The following CHODL variants were observed in gnomAD, a reference collection of about 807,000 sequenced individuals.
CHODL encodes the protein chondrolectin.
In CHODL, 29 loss-of-function variants were observed where a neutral mutation model predicts 34.5. That is an observed-to-expected ratio of 0.84 (90% CI 0.63 to 1.15). The LOEUF is 1.15. Ranked by LOEUF, CHODL falls within the 50% of genes most tolerant of loss-of-function variation. The probability of loss-of-function intolerance (pLI) is 0.00; values close to 1 mark genes in which losing one functional copy is unlikely to be tolerated. For missense variants in CHODL, 332 were observed against 332.5 expected (o/e 1.00, Z 0.01); for synonymous variants, 125 against 116.1 (o/e 1.08, Z -0.49).
chr21:18,233,195 T>C (rs1226645432), intron 2 of CHODL, among the ~76,000 whole-genome samples: 2 of 151,942 alleles, frequency 1.3e-5, no homozygotes, highest in African/African-American at 4.8e-5. Context: ...TGCTTTAGAT[T>C]CCACATAGAA....
At chr21:18,164,251 GC>G (rs1284501622) in intron 2 of CHODL, among the ~76,000 whole-genome samples, 1 of 152,172 alleles carries the variant, frequency 6.6e-6, no homozygotes, top group African/African-American at 2.4e-5. Context: ...AATCCAGATG[GC>G]AAGTAAATTC....
intron 2 of CHODL, among the ~76,000 whole-genome samples, chr21:18,060,085 C>T (rs1031041087): frequency 1.3e-5 from 2 of 152,068 alleles, no homozygotes; most frequent in Non-Finnish European, 2.9e-5. Context: ...ATGTGGAAGT[C>T]CCCCCACTGA....
intron 1 of CHODL, among the ~76,000 whole-genome samples, chr21:18,021,778 GA>G (rs5842671): frequency 1 from 152,202 of 152,204 alleles, 76,100 homozygotes; most frequent in Non-Finnish European, 1. Context: ...TTCATGAGTG[GA>G]AAAAGGGTAG....
At chr21:18,078,556 C>T (rs560404641) in intron 2 of CHODL, among the ~76,000 whole-genome samples, 3 of 152,234 alleles carry the variant, frequency 2.0e-5, no homozygotes, top group East Asian at 1.9e-4. Flanking sequence ...GCAGATACAT[C>T]GACTTTTGAA....
At chr21:18,211,604 C>T (rs2073775495) in intron 2 of CHODL, among the ~76,000 whole-genome samples, 1 of 152,208 alleles carries the variant, frequency 6.6e-6, no homozygotes, top group Admixed American at 6.5e-5. Flanking sequence ...CACTGCTTTT[C>T]AGTTGCCAAC....
intron 1 of CHODL, among the ~76,000 whole-genome samples, chr21:17,932,717 A>G (rs947031115): frequency 1.3e-5 from 2 of 152,206 alleles, no homozygotes; most frequent in Admixed American, 6.5e-5. Flanking sequence ...AAAATCAAAT[A>G]CTGAAGGGGT....
upstream of CHODL, among the ~76,000 whole-genome samples, chr21:18,242,599 T>G (rs2074092788): frequency 6.6e-6 from 1 of 151,806 alleles, no homozygotes; most frequent in African/African-American, 2.4e-5. Flanking sequence ...AAGCTGTTCT[T>G]GTCAGCCAGT....
At chr21:17,986,252 G>A (rs1366427930) in intron 1 of CHODL, among the ~76,000 whole-genome samples, 1 of 152,006 alleles carries the variant, frequency 6.6e-6, no homozygotes, top group African/African-American at 2.4e-5. Flanking sequence ...TGCCATGGTG[G>A]TTTGCTGCAC....
At chr21:17,930,272 C>G (rs2063261607) in intron 1 of CHODL, among the ~76,000 whole-genome samples, 1 of 152,106 alleles carries the variant, frequency 6.6e-6, no homozygotes, top group Non-Finnish European at 1.5e-5. Context: ...TTGCTGTTGC[C>G]TAGCACCCTT....
chr21:18,134,957 A>ATGTGCT (rs1205851977), intron 2 of CHODL, among the ~76,000 whole-genome samples: 2 of 152,344 alleles, frequency 1.3e-5, no homozygotes, highest in African/African-American at 4.8e-5. Context: ...GTTAACAAAG[A>ATGTGCT]TGTGCTTTTT....
chr21:18,240,248 G>A (rs56121643), upstream of CHODL, among the ~76,000 whole-genome samples: 6,879 of 151,934 alleles, frequency 0.045, 494 homozygotes, highest in African/African-American at 0.16. Context: ...GAAAATTAGT[G>A]CATATATGCA....
At chr21:18,145,608 C>T (rs1306470410) in intron 2 of CHODL, among the ~76,000 whole-genome samples, 6 of 151,950 alleles carry the variant, frequency 3.9e-5, no homozygotes, top group Non-Finnish European at 7.4e-5. Context: ...CTGTTTCATT[C>T]GGGGTCAATG....
intron 2 of CHODL, among the ~76,000 whole-genome samples, chr21:18,118,345 T>G (rs2065438149): frequency 6.6e-6 from 1 of 152,036 alleles, no homozygotes; most frequent in Admixed American, 6.6e-5. Context: ...TCAAAGACAG[T>G]AGGTAATGAG....
intron 2 of CHODL, among the ~76,000 whole-genome samples, chr21:18,092,737 AC>A (rs2065088883): frequency 6.6e-6 from 1 of 152,224 alleles, no homozygotes; most frequent in South Asian, 2.1e-4. Flanking sequence ...AAGAGAGTGA[AC>A]TTGAAGACAG....
intron 1 of CHODL, chr21:18,022,457 A>G (rs2064136737): frequency 6.6e-6 from 1 of 152,234 alleles, no homozygotes; most frequent in East Asian, 1.9e-4. Context: ...AAATGGGACA[A>G]GTTTTCAAAT....
At chr21:17,973,417 C>CT (rs3077803) in intron 1 of CHODL, among the ~76,000 whole-genome samples, 30,925 of 123,352 alleles carry the variant, frequency 0.25, 4,547 homozygotes, top group Non-Finnish European at 0.32. Context: ...TTCTTTCTTT[C>CT]TTTTTTTTTT....
upstream of CHODL, among the ~76,000 whole-genome samples, chr21:18,241,795 C>T (rs537431054): frequency 1.3e-4 from 20 of 152,226 alleles, no homozygotes; most frequent in South Asian, 3.9e-3. Flanking sequence ...CTTTTGAAAA[C>T]GTTGGATTCC....
chr21:18,148,520 GCA>G (rs938142404), intron 2 of CHODL, among the ~76,000 whole-genome samples: 2 of 151,886 alleles, frequency 1.3e-5, no homozygotes, highest in Non-Finnish European at 2.9e-5. Context: ...ATGTACTTAT[GCA>G]CACACACACA....
At chr21:18,159,548 T>C (rs1476245522) in intron 2 of CHODL, among the ~76,000 whole-genome samples, 2 of 152,198 alleles carry the variant, frequency 1.3e-5, no homozygotes, top group African/African-American at 4.8e-5. Flanking sequence ...AAAAACAAGC[T>C]GATGATTTTC....
Sources: gnomAD v4.1 joint callset for allele counts (sites outside exome capture counted in the v4.1 genomes callset) on GRCh38, gnomAD v4.1.1 for gene constraint, MANE v1.5 for transcripts, NCBI Gene and HGNC (gene_info 2026-07-23, HGNC 2026-07-21) for gene names.